The following GALNT13 variants were observed in gnomAD, a reference collection of about 807,000 sequenced individuals.
GALNT13 encodes UDP-GalNAc:polypeptide N-acetylgalactosaminyltransferase 13.
A neutral mutation model predicts 64.2 loss-of-function variants in GALNT13; 28 were observed. That is an observed-to-expected ratio of 0.44 (90% confidence interval 0.32 to 0.60). The LOEUF is 0.60. GALNT13 is among the 20% of genes least tolerant of loss of function. The probability of loss-of-function intolerance (pLI) is 0.05; values close to 1 mark genes in which losing one functional copy is unlikely to be tolerated. For missense variants in GALNT13, 577 were observed against 669.8 expected, an observed-to-expected ratio of 0.86 and a Z score of 1.53; for synonymous variants, 214 against 224.6, an observed-to-expected ratio of 0.95 and a Z score of 0.42.
chr2:153,630,812 T>TTA, the GALNT13 span, among the ~76,000 whole-genome samples: 2,332 of 34,730 alleles, frequency 0.067, 116 homozygotes, highest in South Asian at 0.15. Flanking sequence ...TATATATTTT[T>TTA]TTTTTTTTTT....
the GALNT13 span, among the ~76,000 whole-genome samples, chr2:153,352,748 A>G: frequency 3.9e-5 from 6 of 152,080 alleles, no homozygotes; most frequent in Admixed American, 2.0e-4. Context: ...ACTCTGTCAA[A>G]GACCTGTTGA....
the GALNT13 span, among the ~76,000 whole-genome samples, chr2:153,820,862 C>T: frequency 1.3e-5 from 2 of 151,822 alleles, no homozygotes; most frequent in African/African-American, 4.8e-5. Flanking sequence ...CCTTACATAT[C>T]AATATTAACC....
the GALNT13 span, among the ~76,000 whole-genome samples, chr2:153,070,681 C>T: frequency 6.6e-6 from 1 of 152,212 alleles, no homozygotes; most frequent in South Asian, 2.1e-4. Flanking sequence ...TTCCTTGTGC[C>T]CTGCAGTACA....
chr2:154,393,105 A>G (rs771699669), intron 9 of GALNT13, among the ~76,000 whole-genome samples: 7 of 152,222 alleles, frequency 4.6e-5, no homozygotes, highest in Admixed American at 2.0e-4. Flanking sequence ...GATGCTTAGT[A>G]TAGATCCCAG....
the GALNT13 span, among the ~76,000 whole-genome samples, chr2:153,572,344 C>T: frequency 0.91 from 135,820 of 149,102 alleles, 61,866 homozygotes; most frequent in Admixed American, 0.93. Context: ...TTTTTTCTCT[C>T]TTTTTTTTTA....
chr2:154,315,095 A>G (rs1453145114), intron 9 of GALNT13, among the ~76,000 whole-genome samples: 1 of 152,160 alleles, frequency 6.6e-6, no homozygotes, highest in Non-Finnish European at 1.5e-5. Flanking sequence ...CAGATATGCT[A>G]AATTGTCCCT....
chr2:153,709,669 T>C, the GALNT13 span, among the ~76,000 whole-genome samples: 1 of 152,010 alleles, frequency 6.6e-6, no homozygotes, highest in Non-Finnish European at 1.5e-5. Context: ...GAAATAAATA[T>C]GTCAAAGAGA....
chr2:153,478,417 C>T, the GALNT13 span: 7 of 1,614,122 alleles, frequency 4.3e-6, no homozygotes, highest in Non-Finnish European at 5.9e-6. Flanking sequence ...TATGTACAGG[C>T]TACGCTCGTC....
chr2:153,852,599 T>C, the GALNT13 span, among the ~76,000 whole-genome samples: 2 of 152,200 alleles, frequency 1.3e-5, no homozygotes, highest in African/African-American at 2.4e-5. Flanking sequence ...TGATAGAACA[T>C]ATGGAAAATC....
At chr2:154,372,865 A>C (rs1038322498) in intron 9 of GALNT13, among the ~76,000 whole-genome samples, 10 of 152,072 alleles carry the variant, frequency 6.6e-5, no homozygotes, top group Admixed American at 6.6e-4. Flanking sequence ...TAAATCATGA[A>C]AATTGTATAA....
chr2:153,229,656 T>A, the GALNT13 span, among the ~76,000 whole-genome samples: 1 of 152,246 alleles, frequency 6.6e-6, no homozygotes, highest in Non-Finnish European at 1.5e-5. Context: ...TCCTTTCTGC[T>A]GATGACTTGA....
the GALNT13 span, among the ~76,000 whole-genome samples, chr2:153,724,144 AACGCCACAT>A: frequency 7.1e-6 from 1 of 141,258 alleles, no homozygotes; most frequent in Admixed American, 7.1e-5. Context: ...CCTCAGAAAT[AACGCCACAT>A]ACCTACAACT....
intron 4 of GALNT13, among the ~76,000 whole-genome samples, chr2:154,231,718 G>A (rs1411368529): frequency 4.1e-5 from 6 of 147,984 alleles, no homozygotes; most frequent in Non-Finnish European, 6.0e-5. Context: ...AATTCACTGG[G>A]CCATATGCTA....
the GALNT13 span, among the ~76,000 whole-genome samples, chr2:153,586,184 C>CA: frequency 6.6e-6 from 1 of 152,196 alleles, no homozygotes; most frequent in African/African-American, 2.4e-5. Flanking sequence ...ATTACAGGAA[C>CA]AAAATCTCAC....
chr2:153,142,789 T>C, the GALNT13 span, among the ~76,000 whole-genome samples: 1 of 151,934 alleles, frequency 6.6e-6, no homozygotes, highest in East Asian at 1.9e-4. Context: ...CAAAGCTTTG[T>C]CTTGTTGAGC....
the GALNT13 span, among the ~76,000 whole-genome samples, chr2:153,731,062 A>T: frequency 2.0e-5 from 3 of 151,204 alleles, no homozygotes; most frequent in Non-Finnish European, 4.4e-5. Flanking sequence ...ATAAACTATT[A>T]TATATATATA....
the GALNT13 span, among the ~76,000 whole-genome samples, chr2:153,456,765 TAGTA>T: frequency 6.6e-6 from 1 of 152,180 alleles, no homozygotes. Context: ...CATGGTTAGA[TAGTA>T]AGTATCAGAA....
chr2:153,732,496 C>G, the GALNT13 span, among the ~76,000 whole-genome samples: 1 of 151,860 alleles, frequency 6.6e-6, no homozygotes, highest in Non-Finnish European at 1.5e-5. Context: ...TTGGAGAGAC[C>G]AGATAGTTTT....
chr2:154,255,563 A>G (rs1049385722), intron 7 of GALNT13, among the ~76,000 whole-genome samples: 3 of 152,196 alleles, frequency 2.0e-5, no homozygotes, highest in African/African-American at 7.2e-5. Context: ...GGCCACAAGC[A>G]TGAATGCTAG....
Sources: allele counts gnomAD v4.1 joint callset (sites outside exome capture counted in the v4.1 genomes callset), GRCh38; gene constraint gnomAD v4.1.1; transcripts MANE v1.5; gene names NCBI Gene and HGNC (gene_info 2026-07-23, HGNC 2026-07-21).